Variants in SMAD4 observed in about 807,000 individuals in gnomAD.
The protein encoded by SMAD4 is MAD homolog 4.
A neutral mutation model predicts 63.2 loss-of-function variants in SMAD4; 7 were observed. The ratio of observed to expected loss-of-function variants is 0.11; its 90% CI spans 0.06 to 0.21. The LOEUF (loss-of-function observed/expected upper bound fraction) is 0.21. Among genes scored for constraint, SMAD4 ranks in the 10% least tolerant of loss-of-function variants. The pLI is 1.00. For synonymous variants in SMAD4, 215 were observed against 235.4 expected, an observed-to-expected ratio of 0.91 and a Z score of 0.79; for missense variants, 312 against 693.8, an observed-to-expected ratio of 0.45 and a Z score of 6.18.
At chr18:51,057,422 A>C (rs1194863700) in intron 5 of SMAD4, among the ~76,000 whole-genome samples, 1 of 152,196 alleles carries the variant, frequency 6.6e-6, no homozygotes, top group Non-Finnish European at 1.5e-5. Context: ...GGTATATTAC[A>C]TACAGAGAGG....
intron 4 of SMAD4, among the ~76,000 whole-genome samples, chr18:51,050,530 G>A (rs1204261175): frequency 2.0e-5 from 3 of 151,758 alleles, no homozygotes; most frequent in African/African-American, 7.3e-5. Context: ...GTGGTGGTGG[G>A]TGCCTGTAGT....
intron 1 of SMAD4, among the ~76,000 whole-genome samples, chr18:51,034,946 A>G (rs542970639): frequency 6.6e-5 from 10 of 152,382 alleles, no homozygotes; most frequent in African/African-American, 2.4e-4. Flanking sequence ...TGGTTGGTCT[A>G]GGGTGCAGCC....
chr18:51,062,334 T>G (rs1358723340), intron 8 of SMAD4, among the ~76,000 whole-genome samples: 1 of 152,136 alleles, frequency 6.6e-6, no homozygotes, highest in Non-Finnish European at 1.5e-5. Context: ...CCAATACTCA[T>G]GTAACCACTA....
chr18:51,056,620 CAAAAAAAAAAAAA>C (rs74178610), intron 5 of SMAD4, among the ~76,000 whole-genome samples: 6 of 59,322 alleles, frequency 1.0e-4, no homozygotes, highest in Admixed American at 4.6e-4. Flanking sequence ...ACTCCATCTC[CAAAAAAAAAAAAA>C]AAAAAAAAAA....
chr18:51,044,754 GT>G (rs1909489316), intron 1 of SMAD4, among the ~76,000 whole-genome samples: 2 of 152,150 alleles, frequency 1.3e-5, no homozygotes, highest in African/African-American at 4.8e-5. Flanking sequence ...TATCAGACAC[GT>G]TATGCAGAAT....
intron 1 of SMAD4, among the ~76,000 whole-genome samples, chr18:51,033,432 C>T (rs1173351408): frequency 3.3e-5 from 5 of 152,180 alleles, no homozygotes; most frequent in African/African-American, 7.2e-5. Context: ...TCAGGTGATC[C>T]GCCCGCCTTG....
chr18:51,053,960 A>G (rs918087462), intron 4 of SMAD4: 1 of 152,238 alleles, frequency 6.6e-6, no homozygotes, highest in Non-Finnish European at 1.5e-5. Flanking sequence ...GGTTCTGGGC[A>G]GAGAATTAAC....
chr18:51,047,185 C>G lies in SMAD4; in HGVS notation c.139C>G (p.Leu47Val), dbSNP rs770789755. The G allele has an allele frequency of 1.2e-6, 2 of 1,613,824 alleles. No homozygotes were observed. Among genetic ancestry groups the G allele is most frequent in the Non-Finnish European group, 8.5e-7 (1 of 1,179,920 alleles). Residue 47 changes from leucine to valine, a missense_variant, in exon 2 of 12, where the codon CTG becomes GTG. Physicochemically the swap from Leu to Val is conservative, Grantham distance 32. This residue lies in a region of SMAD4 where 37 missense variants were observed against 87.3 expected (regional missense o/e 0.42). Coordinates refer to ENST00000342988, the MANE Select transcript of SMAD4 (RefSeq NM_005359.6). ...AGCAATTGAAAGTTTGGTAAAGAAGCTGAAGGAGAAAAAAGATGAATTGGA... is the reference window on the plus strand; with the variant it reads ...AGCAATTGAAAGTTTGGTAAAGAAGGTGAAGGAGAAAAAAGATGAATTGGA... ...KRAIESLVKK[L>V]KEKKDELDSL...
intron 1 of SMAD4, among the ~76,000 whole-genome samples, chr18:51,031,125 A>G (rs917637966): frequency 6.6e-6 from 1 of 152,174 alleles, no homozygotes; most frequent in Admixed American, 6.5e-5. Context: ...CTTTTTGAGT[A>G]CTGAGAGTGA....
chr18:51,058,020 T>C (rs552459921), intron 5 of SMAD4, 105 bp from the exon 6 acceptor site: 1 of 1,378,336 alleles, frequency 7.3e-7, no homozygotes, highest in East Asian at 2.4e-5. Flanking sequence ...TTTGCCCATC[T>C]TTATAGTTGT....
Position 51,082,367 on chromosome 18 carries a change from T to C in SMAD4, c.*3900T>C, listed in dbSNP as rs1910630892. 4.4e-6 allele frequency: 1 copy of C among 227,638 alleles called. No homozygotes were observed. Among genetic ancestry groups the C allele is most frequent in the Admixed American group, 5.7e-5 (1 of 17,600 alleles). The allele number at this position is 227,638 out of a possible 1,614,324, so 14.1% of individuals were successfully genotyped here. ...TTTTCCCTGATAACTAAGTAATTTC[T>C]TTGAACATACCAAGAAGTATGTAAA... On this transcript the variant is annotated 3_prime_UTR_variant, in exon 12 of 12. Transcript: ENST00000342988.
Position 51,054,595 on chromosome 18 carries a change from G to A in SMAD4, c.455-186G>A, listed in dbSNP as rs867077641. ...ATAAAATATATCTCATGCTGTTACCGCTGAATAAATGACTTTTGCTGGTAA... is the reference window on the plus strand; with the variant it reads ...ATAAAATATATCTCATGCTGTTACCACTGAATAAATGACTTTTGCTGGTAA... On this transcript the variant is annotated intron_variant, in intron 4 of 11. Coordinates refer to ENST00000342988, the MANE Select transcript of SMAD4 (RefSeq NM_005359.6). 2.2e-5 allele frequency: 13 copies of A among 583,218 alleles called. No individual in the cohort carries two copies. In the East Asian group the frequency reaches 3.2e-4, roughly 14 times the overall value. 36.1% of individuals were successfully genotyped at this position (583,218 alleles called of 1,614,324 possible).
In SMAD4 at chr18:51,083,751, A is replaced by G; in HGVS notation, c.*5284A>G. 1 of 229,986 alleles carries G rather than the reference A, an allele frequency of 4.3e-6. No individual in the cohort carries two copies. Among genetic ancestry groups the G allele is most frequent in the East Asian group, 6.2e-5 (1 of 16,228 alleles). 14.2% of individuals were successfully genotyped at this position (229,986 alleles called of 1,614,324 possible). On this transcript the variant is annotated 3_prime_UTR_variant, in exon 12 of 12. Transcript: ENST00000342988. ...AAAATGAGGGAGTTGGAGTAGATTA[A>G]TTATTCCAGCTCTGAAATTCTAAGT...
chr18:51,054,339 A>G (rs868209320), intron 4 of SMAD4: 5 of 197,592 alleles, frequency 2.5e-5, no homozygotes, highest in Non-Finnish European at 4.2e-5. Context: ...TCATATCTCC[A>G]CAGTGTGAAA....
intron 8 of SMAD4, among the ~76,000 whole-genome samples, chr18:51,061,118 G>T (rs1910000186): frequency 6.6e-6 from 1 of 151,754 alleles, no homozygotes. Context: ...ATATTTATGG[G>T]GCACATGAGA....
At position 51,067,115 on chromosome 18, in the gene SMAD4, C is replaced by T. The variant is rs121912577; in HGVS notation, c.1236C>T (p.Tyr412=). 8 of 1,610,652 alleles carry T rather than the reference C, an allele frequency of 5.0e-6. No individual in the cohort carries two copies. The Admixed American group carries it at 1.3e-4, about 27-fold the overall frequency. Residue 412 remains tyrosine, a synonymous_variant, in exon 10 of 12, where the codon TAC becomes TAT. Transcript: ENST00000342988. ...ACCACGCGGTCTTTGTACAGAGTTA[C>T]TACTTAGACAGAGAAGCTGGGCGTG... is the stretch of plus-strand genomic sequence containing the variant. ...LSDHAVFVQS[Y]YLDREAGRAP... is the part of the protein sequence containing the mutation.
chr18:51,050,747 G>A (rs1909686255), intron 4 of SMAD4, among the ~76,000 whole-genome samples: 2 of 151,550 alleles, frequency 1.3e-5, no homozygotes, highest in African/African-American at 4.8e-5. Flanking sequence ...CACCTTTTTT[G>A]TTTGTAGAAT....
intron 1 of SMAD4, among the ~76,000 whole-genome samples, chr18:51,042,789 T>C (rs954467900): frequency 1.3e-5 from 2 of 152,164 alleles, no homozygotes; most frequent in African/African-American, 4.8e-5. Flanking sequence ...GTAGCCTTGG[T>C]CTCCTGGGCT....
At chr18:51,062,674 T>A (rs558547204) in intron 8 of SMAD4, among the ~76,000 whole-genome samples, 6 of 149,730 alleles carry the variant, frequency 4.0e-5, no homozygotes, top group African/African-American at 1.5e-4. Context: ...AATTTTTGTA[T>A]TGTTAGTAGA....
Sources: allele counts gnomAD v4.1 joint callset (sites outside exome capture counted in the v4.1 genomes callset), GRCh38; gene constraint gnomAD v4.1.1; regional missense constraint gnomAD v4.1.1; transcripts MANE v1.5; gene names NCBI Gene and HGNC (gene_info 2026-07-23, HGNC 2026-07-21).